TCF20: variants seen among roughly 807,000 people sequenced by gnomAD.
The protein encoded by TCF20 is SPRE-binding protein.
In TCF20, 3 loss-of-function variants were observed where a neutral mutation model predicts 148.6. That is an observed-to-expected ratio of 0.02 (90% CI 0.01 to 0.05). The LOEUF (loss-of-function observed/expected upper bound fraction) is 0.05. Among genes scored for constraint, TCF20 ranks in the 10% least tolerant of loss-of-function variants. The pLI is 1.00. For missense variants in TCF20, 2,350 were observed against 2,429.3 expected (o/e 0.97, Z 0.69); for synonymous variants, 1,049 against 909.5 (o/e 1.15, Z -2.76).
intron 1 of TCF20, among the ~76,000 whole-genome samples, chr22:42,225,000 CTTTTTTT>C (rs34550174): frequency 1.5e-5 from 2 of 130,270 alleles, no homozygotes; most frequent in Non-Finnish European, 3.2e-5. Context: ...GAAATAATCA[CTTTTTTT>C]TTTTTTTTTT....
rs781772191 is a variant in TCF20 at position 42,211,098 on chromosome 22, G to A, written c.4208C>T (p.Ala1403Val). The A allele has an allele frequency of 6.2e-7, 1 of 1,614,126 alleles. No homozygotes were observed. The highest frequency in any genetic ancestry group is 8.5e-7 in the Non-Finnish European group (1 of 1,180,032). ...CTCACCTTTTCTCTTCTCTATGTCA[G>A]CATCCTGAACAGCAACACTCCCACC... Reference protein sequence around the residue: ...PEGGSVAVQDADIEKRKGEVA... With the variant: ...PEGGSVAVQDVDIEKRKGEVA... Residue 1403 changes from alanine (A) to valine (V), a missense_variant, in exon 2 of 6, where the codon GCT (alanine) becomes GTT (valine). This residue lies in a region of TCF20 where 231 missense variants were observed against 213.7 expected (regional missense o/e 1.08). Transcript: ENST00000677622.
At chr22:42,233,956 T>C (rs1923651912) in intron 1 of TCF20, among the ~76,000 whole-genome samples, 1 of 152,196 alleles carries the variant, frequency 6.6e-6, no homozygotes, top group Non-Finnish European at 1.5e-5. Context: ...AAAGGTTTCT[T>C]TAGAGTTTTT....
intron 2 of TCF20, among the ~76,000 whole-genome samples, chr22:42,183,845 C>T (rs868665697): frequency 2.0e-5 from 3 of 151,556 alleles, no homozygotes; most frequent in Admixed American, 6.6e-5. Context: ...CTCGGCTCAC[C>T]GCAACCTCCA....
At chr22:42,200,471 T>C (rs963519283) in intron 2 of TCF20, among the ~76,000 whole-genome samples, 4 of 151,918 alleles carry the variant, frequency 2.6e-5, no homozygotes, top group Non-Finnish European at 4.4e-5. Context: ...TCAAACCCCA[T>C]CTCTACTAAA....
At chr22:42,272,538 G>A (rs773681104), upstream of TCF20, among the ~76,000 whole-genome samples, 5 of 152,142 alleles carry the variant, frequency 3.3e-5, no homozygotes, top group African/African-American at 7.2e-5. Flanking sequence ...CATTCAAAAG[G>A]GAAAGAATAA....
chr22:42,305,909 G>A (rs1927423054), intron 1 of TCF20, among the ~76,000 whole-genome samples: 1 of 151,762 alleles, frequency 6.6e-6, no homozygotes, highest in Admixed American at 6.6e-5. Context: ...ACTGGCAGCC[G>A]TGGAGGGCAG....
At position 42,219,355 on chromosome 22, in the gene TCF20, CAAAAAAAAAAA is replaced by C. The variant is rs528664836; in HGVS notation, c.-36-4025_-36-4015del. Among the ~76,000 whole-genome samples, 75 of 43,562 alleles carry C rather than the reference CAAAAAAAAAAA, an allele frequency of 1.7e-3. 1 individual carries two copies. Among genetic ancestry groups the C allele is most frequent in the Admixed American group, 3.8e-3 (12 of 3,156 alleles). The allele number at this position is 43,562 out of a possible 152,430, so 28.6% of individuals were successfully genotyped here. On this transcript the variant is annotated intron_variant, in intron 1 of 5. Coordinates refer to ENST00000677622, the MANE Select transcript of TCF20 (RefSeq NM_001378418.1). ...ACCCTGGGTGACAGTAACCCTGTCT[CAAAAAAAAAAA>C]AAAAAAAAAAAAAAAGCTAATAGAG...
intron 3 of TCF20, 91 bp downstream of exon 3, chr22:42,179,518 A>T: frequency 1.2e-6 from 1 of 862,166 alleles, no homozygotes; most frequent in Non-Finnish European, 1.7e-6. Context: ...AAAAGAAAAG[A>T]AAAGAAAAAA....
chr22:42,324,035 A>T (rs866032801), intron 1 of TCF20, among the ~76,000 whole-genome samples: 111 of 12,112 alleles, frequency 9.2e-3, no homozygotes, highest in Non-Finnish European at 0.017. Context: ...GTGGTGATGG[A>T]GGTTATGGTG....
At chr22:42,183,909 C>T (rs756699011) in intron 2 of TCF20, among the ~76,000 whole-genome samples, 2 of 151,904 alleles carry the variant, frequency 1.3e-5, no homozygotes, top group African/African-American at 2.4e-5. Context: ...GATGGGATTA[C>T]AGGCACCTGC....
Position 42,185,398 on chromosome 22 carries a change from A to C in TCF20, c.5656-5696T>G, listed in dbSNP as rs76881861. 6.4e-3 allele frequency among the ~76,000 whole-genome samples: 981 copies of C among 152,350 alleles called. 15 individuals are homozygous for C. The highest frequency in any genetic ancestry group is 0.027 in the Middle Eastern group (8 of 294). ...AAATGTGGGCTGATGGAATGAATGC[A>C]ATGTCTGACAAACTTGAGAGCCTGA... On this transcript the variant is annotated intron_variant, in intron 2 of 5. Coordinates refer to ENST00000677622, the MANE Select transcript of TCF20 (RefSeq NM_001378418.1).
At chr22:42,180,396 T>C (rs1216717287) in intron 2 of TCF20, among the ~76,000 whole-genome samples, 2 of 152,198 alleles carry the variant, frequency 1.3e-5, no homozygotes, top group Non-Finnish European at 2.9e-5. Context: ...GGTCAGGTTT[T>C]CTTAAAGTGG....
intron 3 of TCF20, among the ~76,000 whole-genome samples, chr22:42,171,589 T>C (rs1936135744): frequency 6.6e-6 from 1 of 151,838 alleles, no homozygotes; most frequent in Non-Finnish European, 1.5e-5. Flanking sequence ...TCCAAGCCCC[T>C]CCCCCAGCAA....
intron 2 of TCF20, among the ~76,000 whole-genome samples, chr22:42,185,345 C>G (rs1193378186): frequency 1.3e-5 from 2 of 152,168 alleles, no homozygotes; most frequent in Non-Finnish European, 2.9e-5. Context: ...CTTGCACCCC[C>G]CAAGGACTGG....
intron 1 of TCF20, among the ~76,000 whole-genome samples, chr22:42,289,948 A>G (rs1354351686): frequency 6.6e-6 from 1 of 152,172 alleles, no homozygotes; most frequent in East Asian, 1.9e-4. Flanking sequence ...CCATCCAGAT[A>G]TTGCGTGCAG....
At chr22:42,219,231 G>A (rs982769918) in intron 1 of TCF20, among the ~76,000 whole-genome samples, 2 of 151,058 alleles carry the variant, frequency 1.3e-5, no homozygotes, top group African/African-American at 4.9e-5. Flanking sequence ...GTCATGAGGT[G>A]TGCCTACAGT....
chr22:42,252,563 G>A (rs1190196465), intron 1 of TCF20, among the ~76,000 whole-genome samples: 3 of 152,074 alleles, frequency 2.0e-5, no homozygotes, highest in East Asian at 1.9e-4. Context: ...CGATTCTCCC[G>A]CCTCAGCCTC....
intron 1 of TCF20, among the ~76,000 whole-genome samples, chr22:42,253,147 C>T (rs1925515404): frequency 6.6e-6 from 1 of 152,118 alleles, no homozygotes; most frequent in Non-Finnish European, 1.5e-5. Flanking sequence ...TTTCCCTATT[C>T]CCTAATGATT....
At chr22:42,167,485 G>A (rs1935858365) in intron 5 of TCF20, among the ~76,000 whole-genome samples, 1 of 152,130 alleles carries the variant, frequency 6.6e-6, no homozygotes, top group South Asian at 2.1e-4. Context: ...TAGTCCTCCT[G>A]CCCCATCCTG....
Sources: gnomAD v4.1 joint callset for allele counts (sites outside exome capture counted in the v4.1 genomes callset) on GRCh38, gnomAD v4.1.1 for gene constraint, gnomAD v4.1.1 regional missense constraint, MANE v1.5 for transcripts, NCBI Gene and HGNC (gene_info 2026-07-23, HGNC 2026-07-21) for gene names.